The following MAST4 variants were observed in gnomAD, a reference collection of about 807,000 sequenced individuals.
MAST4 encodes the protein microtubule-associated serine/threonine-protein kinase 4.
A neutral mutation model predicts 162.7 loss-of-function variants in MAST4; 89 were observed. That is an observed-to-expected ratio of 0.55 (90% CI 0.46 to 0.65). The LOEUF (loss-of-function observed/expected upper bound fraction) is 0.65, where lower values mean the gene tolerates loss of function less well. Among genes scored for constraint, MAST4 ranks in the 30% least tolerant of loss-of-function variants. The pLI is 0.00. For missense variants in MAST4, 3,153 were observed against 3,374.0 expected (o/e 0.93, Z 1.62); for synonymous variants, 1,479 against 1,361.1 (o/e 1.09, Z -1.91).
chr5:67,043,250 CTG>C (rs1756980932), intron 4 of MAST4, among the ~76,000 whole-genome samples: 1 of 152,104 alleles, frequency 6.6e-6, no homozygotes, highest in Non-Finnish European at 1.5e-5. Context: ...GCAAGTTAAA[CTG>C]AGATTTAATT....
chr5:66,836,136 A>C (rs1208279751), intron 3 of MAST4, among the ~76,000 whole-genome samples: 4 of 151,694 alleles, frequency 2.6e-5, no homozygotes, highest in Non-Finnish European at 5.9e-5. Context: ...GTGCCACTGC[A>C]CTCCAGCCTT....
At chr5:66,845,378 T>C (rs185400) in intron 3 of MAST4, among the ~76,000 whole-genome samples, 125,176 of 151,286 alleles carry the variant, frequency 0.83, 51,878 homozygotes, top group Non-Finnish European at 0.85. Flanking sequence ...GTTTGGTTTT[T>C]TGTCCTTGCG....
chr5:66,705,229 C>T (rs1476841869), intron 1 of MAST4, among the ~76,000 whole-genome samples: 1 of 152,178 alleles, frequency 6.6e-6, no homozygotes, highest in Non-Finnish European at 1.5e-5. Flanking sequence ...AAAGACTAAA[C>T]TTACTGTGGT....
At chr5:66,633,629 A>G (rs772018460) in intron 1 of MAST4, among the ~76,000 whole-genome samples, 60 of 152,234 alleles carry the variant, frequency 3.9e-4, no homozygotes, top group Non-Finnish European at 7.9e-4. Context: ...GATTTTTAGT[A>G]ATTAAAAACT....
chr5:66,948,198 C>T lies in MAST4; in HGVS notation c.674+48216C>T, dbSNP rs147336792. On this transcript the variant is annotated intron_variant, in intron 4 of 28. Transcript: ENST00000403625. ...GAAAAGGAAAGGCAAGACGAGAACC[C>T]GTGCCACATTCCGAATTGGATTACC... 3.3e-5 allele frequency among the ~76,000 whole-genome samples: 5 copies of T among 152,206 alleles called. No homozygotes were observed. The East Asian group carries it at 9.7e-4, about 29-fold the overall frequency.
chr5:66,626,992 C>T (rs1299477585), intron 1 of MAST4, among the ~76,000 whole-genome samples: 1 of 152,144 alleles, frequency 6.6e-6, no homozygotes, highest in East Asian at 1.9e-4. Context: ...GATACTAAGT[C>T]AAATGGCCAA....
At chr5:67,136,347 T>G (rs1769643648) in intron 18 of MAST4, among the ~76,000 whole-genome samples, 2 of 152,222 alleles carry the variant, frequency 1.3e-5, no homozygotes. Flanking sequence ...TTGTAAAAAA[T>G]CTATGCTACT....
intron 1 of MAST4, among the ~76,000 whole-genome samples, chr5:66,690,503 G>A (rs910969253): frequency 2.0e-5 from 3 of 152,144 alleles, no homozygotes; most frequent in African/African-American, 7.2e-5. Context: ...AATGCCACTG[G>A]CTAGCAGTTT....
chr5:66,893,250 G>A (rs1762471527), intron 3 of MAST4, among the ~76,000 whole-genome samples: 2 of 152,058 alleles, frequency 1.3e-5, no homozygotes, highest in Admixed American at 1.3e-4. Context: ...CTTTAGCCCA[G>A]GCTGGAGTGC....
At chr5:66,905,018 A>G (rs1430738937) in intron 4 of MAST4, among the ~76,000 whole-genome samples, 1 of 152,110 alleles carries the variant, frequency 6.6e-6, no homozygotes, top group African/African-American at 2.4e-5. Flanking sequence ...TTAAAGGAAT[A>G]TCCAAGGCCG....
At chr5:67,077,010 A>G (rs1027550767) in intron 5 of MAST4, among the ~76,000 whole-genome samples, 7 of 152,172 alleles carry the variant, frequency 4.6e-5, no homozygotes, top group African/African-American at 1.7e-4. Flanking sequence ...ACTGCCCTGT[A>G]GGTTCTAAAG....
At chr5:67,156,430 C>A (rs1013204340) in intron 26 of MAST4, among the ~76,000 whole-genome samples, 6 of 152,164 alleles carry the variant, frequency 3.9e-5, no homozygotes, top group Non-Finnish European at 7.3e-5. Flanking sequence ...AAACAGTGGC[C>A]ATACCAGGCT....
chr5:66,698,750 G>A (rs1485549312), intron 1 of MAST4, among the ~76,000 whole-genome samples: 2 of 152,088 alleles, frequency 1.3e-5, no homozygotes, highest in African/African-American at 4.8e-5. Flanking sequence ...CTCATAAATG[G>A]CACCACCACA....
In MAST4 at chr5:66,776,188, G is replaced by C. The variant is rs200645901; in HGVS notation, c.518-12482G>C. On this transcript the variant is annotated intron_variant, in intron 2 of 28. Coordinates refer to ENST00000403625, the MANE Select transcript of MAST4 (RefSeq NM_001164664.2). ...TTTTGTCACCTCTATGGCAGCTTTT[G>C]TTCTTTTTGTTTCTCTTGTAAAACT... 2.0e-3 allele frequency among the ~76,000 whole-genome samples: 304 copies of C among 152,238 alleles called. 1 individual carries two copies. The highest frequency in any genetic ancestry group is 7.1e-3 in the African/African-American group (295 of 41,548).
intron 3 of MAST4, among the ~76,000 whole-genome samples, chr5:66,896,200 G>A (rs1215797679): frequency 1.3e-5 from 2 of 152,090 alleles, no homozygotes; most frequent in Non-Finnish European, 2.9e-5. Flanking sequence ...CGGGTCAGAT[G>A]TTTTTAGAAG....
chr5:67,090,499 C>T (rs1763745672), intron 6 of MAST4, among the ~76,000 whole-genome samples: 1 of 137,134 alleles, frequency 7.3e-6, no homozygotes, highest in Middle Eastern at 3.6e-3. Context: ...TTGTGAGGTC[C>T]TGCTCATTAT....
intron 3 of MAST4, among the ~76,000 whole-genome samples, chr5:66,859,340 G>A (rs1759919248): frequency 6.6e-6 from 1 of 151,916 alleles, no homozygotes; most frequent in Non-Finnish European, 1.5e-5. Context: ...TTGGTATTTA[G>A]ACATTCCTTA....
chr5:67,062,427 C>T (rs547108929), intron 5 of MAST4, among the ~76,000 whole-genome samples: 2 of 152,108 alleles, frequency 1.3e-5, no homozygotes, highest in African/African-American at 4.8e-5. Context: ...GGAGACATGG[C>T]CCTGAGTGAA....
Position 66,974,742 on chromosome 5 carries a change from T to C in MAST4, c.674+74760T>C, listed in dbSNP as rs569306283. 6.6e-5 allele frequency among the ~76,000 whole-genome samples: 10 copies of C among 152,354 alleles called. No individual in the cohort carries two copies. In the South Asian group the frequency reaches 1.7e-3, roughly 25 times the overall value. On this transcript the variant is annotated intron_variant, in intron 4 of 28. Transcript: ENST00000403625. The stretch of plus-strand genomic sequence containing the variant: ...AAAATTGAGTAGAGTAAGGGTTTTA[T>C]TTTCTAAATGGAAAAAAATAACTAT...
Sources: allele counts gnomAD v4.1 joint callset (sites outside exome capture counted in the v4.1 genomes callset), GRCh38; gene constraint gnomAD v4.1.1; transcripts MANE v1.5; gene names NCBI Gene and HGNC (gene_info 2026-07-23, HGNC 2026-07-21).